TMEM182: variants seen among roughly 807,000 people sequenced by gnomAD.
The protein encoded by TMEM182 is transmembrane protein 182.
In TMEM182, 20 loss-of-function variants were observed where a neutral mutation model predicts 26.8. The observed-to-expected ratio is 0.75, with a 90% CI of 0.53 to 1.09. The LOEUF (loss-of-function observed/expected upper bound fraction) is 1.09. Among genes scored for constraint, TMEM182 ranks in the 50% least tolerant of loss-of-function variants. The pLI, the probability that TMEM182 is intolerant of heterozygous loss-of-function variation, is 0.00. For synonymous variants in TMEM182, 109 were observed against 102.2 expected (o/e 1.07, Z -0.40); for missense variants, 277 against 275.5 (o/e 1.01, Z -0.04).
At chr2:102,823,339 A>G (rs1371823118) in intron 3 of TMEM182, among the ~76,000 whole-genome samples, 1 of 151,522 alleles carries the variant, frequency 6.6e-6, no homozygotes, top group African/African-American at 2.4e-5. Context: ...TTTATTTTTT[A>G]TTTTTATTTT....
chr2:102,794,477 C>A (rs550567069), intron 3 of TMEM182, among the ~76,000 whole-genome samples: 1 of 152,344 alleles, frequency 6.6e-6, no homozygotes, highest in African/African-American at 2.4e-5. Flanking sequence ...TTTAGCATTT[C>A]CTGTAGAACA....
At chr2:102,755,609 A>G (rs1055733694) in intron 1 of TMEM182, among the ~76,000 whole-genome samples, 1 of 152,234 alleles carries the variant, frequency 6.6e-6, no homozygotes, top group African/African-American at 2.4e-5. Flanking sequence ...TTGTCAAATG[A>G]ATCAAGATTT....
intron 3 of TMEM182, among the ~76,000 whole-genome samples, chr2:102,773,237 G>A (rs1183164699): frequency 6.6e-6 from 1 of 152,082 alleles, no homozygotes; most frequent in Non-Finnish European, 1.5e-5. Flanking sequence ...CCCTCAGGGG[G>A]CTGACATTTG....
intron 3 of TMEM182, among the ~76,000 whole-genome samples, chr2:102,824,669 A>G (rs1282318266): frequency 1.3e-5 from 2 of 151,904 alleles, no homozygotes; most frequent in African/African-American, 4.8e-5. Context: ...CTAAAATACA[A>G]AAAAAATTAG....
rs1462474411 is a variant in TMEM182, at chr2:102,816,165, T to C, written c.*1197T>C. 1.0e-6 allele frequency: 1 copy of C among 985,306 alleles called. No individual in the cohort carries two copies. Among genetic ancestry groups the C allele is most frequent in the African/African-American group, 1.7e-5 (1 of 57,236 alleles). 61.0% of individuals were successfully genotyped at this position (985,306 alleles called of 1,614,324 possible). ...CATTTGGCACTAATGTTGATTGAAATCAAATCCATCTGAGATGCCTAGCTC... is the reference window on the plus strand; with the variant it reads ...CATTTGGCACTAATGTTGATTGAAACCAAATCCATCTGAGATGCCTAGCTC... On this transcript the variant is annotated 3_prime_UTR_variant, in exon 5 of 5. Transcript: ENST00000412401.
upstream of TMEM182, among the ~76,000 whole-genome samples, chr2:102,759,894 T>C (rs2104651614): frequency 6.6e-6 from 1 of 152,328 alleles, no homozygotes; most frequent in Non-Finnish European, 1.5e-5. Flanking sequence ...CACCTTTCTC[T>C]CTCTGGCCAC....
chr2:102,807,561 G>T (rs1682393712), intron 4 of TMEM182, among the ~76,000 whole-genome samples: 1 of 152,152 alleles, frequency 6.6e-6, no homozygotes, highest in South Asian at 2.1e-4. Flanking sequence ...ATATTTTGAT[G>T]AATGCAATAA....
intron 3 of TMEM182, among the ~76,000 whole-genome samples, chr2:102,787,843 G>A (rs1021550376): frequency 1.3e-5 from 2 of 152,102 alleles, no homozygotes; most frequent in African/African-American, 4.8e-5. Context: ...TCTGGAATAT[G>A]ACTTAACCTC....
intron 4 of TMEM182, among the ~76,000 whole-genome samples, chr2:102,809,979 T>G (rs965886029): frequency 3.3e-5 from 5 of 152,240 alleles, no homozygotes; most frequent in African/African-American, 1.2e-4. Context: ...AGGAGGCCAT[T>G]GAATCATCTC....
Position 102,817,434 on chromosome 2 carries a change from T to A in TMEM182, c.*2466T>A. The stretch of plus-strand genomic sequence containing the variant: ...TGGTGAAAGCTATCATCTCTCCATA[T>A]TGTATTTGTTCAGCTGGTTTAATTC... On this transcript the variant is annotated 3_prime_UTR_variant, in exon 5 of 5. Coordinates refer to ENST00000412401, the MANE Select transcript of TMEM182 (RefSeq NM_144632.5). The A allele has an allele frequency of 1.0e-6, 1 of 985,440 alleles. No homozygotes were observed. The highest frequency in any genetic ancestry group is 1.2e-6 in the Non-Finnish European group (1 of 829,934). 61.0% of individuals were successfully genotyped at this position (985,440 alleles called of 1,614,324 possible).
At chr2:102,810,793 C>G (rs893912502) in intron 4 of TMEM182, among the ~76,000 whole-genome samples, 1 of 152,066 alleles carries the variant, frequency 6.6e-6, no homozygotes, top group East Asian at 1.9e-4. Context: ...AAATGTATGA[C>G]CAAATTTAAA....
At chr2:102,740,406 G>A (rs965742438) in intron 1 of TMEM182, among the ~76,000 whole-genome samples, 6 of 152,022 alleles carry the variant, frequency 3.9e-5, no homozygotes. Flanking sequence ...CTCTTGCTCA[G>A]TACTTCTCCT....
At chr2:102,767,500 G>T (rs1254629888) in intron 3 of TMEM182, among the ~76,000 whole-genome samples, 1 of 152,108 alleles carries the variant, frequency 6.6e-6, no homozygotes, top group Non-Finnish European at 1.5e-5. Flanking sequence ...GAACATAAAT[G>T]AATTTTCAAG....
intron 3 of TMEM182, among the ~76,000 whole-genome samples, chr2:102,771,385 G>A (rs972095479): frequency 6.6e-6 from 1 of 152,086 alleles, no homozygotes; most frequent in African/African-American, 2.4e-5. Flanking sequence ...ATGCAGGCTT[G>A]GGGCCACTCC....
intron 4 of TMEM182, among the ~76,000 whole-genome samples, chr2:102,812,384 T>TAC (rs61175945): frequency 0.024 from 3,377 of 143,230 alleles, 69 homozygotes; most frequent in East Asian, 0.067. Context: ...TCTACACATG[T>TAC]ACACACACAC....
At chr2:102,811,058 CAAAAAAAAA>C (rs10629082) in intron 4 of TMEM182, among the ~76,000 whole-genome samples, 3 of 94,442 alleles carry the variant, frequency 3.2e-5, no homozygotes, top group East Asian at 3.4e-4. Flanking sequence ...TCCTCTATAG[CAAAAAAAAA>C]AAAAAAAAAA....
intron 3 of TMEM182, among the ~76,000 whole-genome samples, chr2:102,776,701 G>C (rs1042985019): frequency 2.0e-5 from 3 of 152,138 alleles, no homozygotes; most frequent in Non-Finnish European, 4.4e-5. Flanking sequence ...GGATCGTATG[G>C]TGAGAGCATG....
intron 3 of TMEM182, among the ~76,000 whole-genome samples, chr2:102,789,768 T>C (rs1243219889): frequency 6.6e-6 from 1 of 152,196 alleles, no homozygotes; most frequent in African/African-American, 2.4e-5. Context: ...ACCCATGTGA[T>C]AGAGGACCAG....
chr2:102,757,097 A>T (rs1680062871), upstream of TMEM182, among the ~76,000 whole-genome samples: 1 of 152,144 alleles, frequency 6.6e-6, no homozygotes, highest in Admixed American at 6.5e-5. Context: ...GGTGTGAGCC[A>T]CCGGGCCTGG....
Sources: allele counts gnomAD v4.1 joint callset (sites outside exome capture counted in the v4.1 genomes callset), GRCh38; gene constraint gnomAD v4.1.1; transcripts MANE v1.5; gene names NCBI Gene and HGNC (gene_info 2026-07-23, HGNC 2026-07-21).